FAT1: variants seen among roughly 807,000 people sequenced by gnomAD.
The protein encoded by FAT1 is protocadherin Fat 1.
FAT1 carries 171 observed loss-of-function variants against 329.8 expected under a neutral mutation model. The ratio of observed to expected loss-of-function variants is 0.52; its 90% CI spans 0.46 to 0.59. The LOEUF (loss-of-function observed/expected upper bound fraction) is 0.59, where lower values mean the gene tolerates loss of function less well. Among genes scored for constraint, FAT1 ranks in the 20% least tolerant of loss-of-function variants. The probability of loss-of-function intolerance (pLI) is 0.00; values close to 1 mark genes in which losing one functional copy is unlikely to be tolerated. For synonymous variants in FAT1, 2,233 were observed against 2,228.6 expected (o/e 1.00, Z -0.06); for missense variants, 5,672 against 5,774.4 (o/e 0.98, Z 0.57).
At chr4:186,690,646 C>A (rs1452847212) in intron 2 of FAT1, among the ~76,000 whole-genome samples, 1 of 151,852 alleles carries the variant, frequency 6.6e-6, no homozygotes, top group Non-Finnish European at 1.5e-5. Context: ...GCAGAGATCA[C>A]GCTACTGCAC....
intron 3 of FAT1, among the ~76,000 whole-genome samples, chr4:186,652,782 C>A (rs1310091176): frequency 6.6e-6 from 1 of 152,018 alleles, no homozygotes; most frequent in African/African-American, 2.4e-5. Context: ...TCGTTCCAGC[C>A]ACAATAAAAT....
rs2126527306 is a variant in FAT1, at chr4:186,621,652, G to A, written c.4934C>T (p.Pro1645Leu). The stretch of plus-strand genomic sequence containing the variant: ...CACAGAAGTTATTTCACTCATTGGT[G>A]GACTGCCCTTATCTGTAGCTTTTAC... Reference protein sequence around the residue: ...LMVKATDKGSPPMSEITSVRI... With the variant: ...LMVKATDKGSLPMSEITSVRI... The change falls in exon 10 of 27, where the codon CCA becomes CTA. Residue 1645 changes from proline to leucine, a missense_variant. Transcript: ENST00000441802. The A allele has an allele frequency of 6.2e-7, 1 of 1,613,966 alleles. No individual in the cohort carries two copies. The highest frequency in any genetic ancestry group is 1.3e-5 in the African/African-American group (1 of 75,040).
chr4:186,590,320 C>A, intron 26 of FAT1: 1 of 1,225,990 alleles, frequency 8.2e-7, no homozygotes, highest in South Asian at 1.3e-5. Flanking sequence ...AAGGCTTGAC[C>A]CATTGTTTTT....
intron 2 of FAT1, among the ~76,000 whole-genome samples, chr4:186,669,539 C>G (rs1742638548): frequency 6.6e-6 from 1 of 152,108 alleles, no homozygotes; most frequent in Admixed American, 6.5e-5. Context: ...TGTTAATAAC[C>G]TGAAAAATCC....
At chr4:186,725,828 C>G (rs1318514080), upstream of FAT1, among the ~76,000 whole-genome samples, 1 of 152,198 alleles carries the variant, frequency 6.6e-6, no homozygotes, top group Non-Finnish European at 1.5e-5. This position sits in a 1 kb window ranked among gnomAD's most constrained non-coding sequence, Gnocchi z 5.4. Context: ...AAACGCTTTC[C>G]TCCAGCACGG....
Position 186,620,350 on chromosome 4 carries a change from G to A in FAT1, c.6236C>T (p.Pro2079Leu), listed in dbSNP as rs1272319296. 7 of 1,613,820 alleles carry A rather than the reference G, an allele frequency of 4.3e-6. No homozygotes were observed. The highest frequency in any genetic ancestry group is 5.9e-6 in the Non-Finnish European group (7 of 1,179,888). ...VIVEDQNDNA[P>L]VFVNLPYYAV... ...GTAGTAGGGAAGGTTGACAAACACC[G>A]GCGCATTATCATTTTGGTCTTCTAC... is the stretch of plus-strand genomic sequence containing the variant. Residue 2079 changes from proline to leucine, a missense_variant, in exon 10 of 27, where the codon CCG becomes CTG. Pro to Leu is a moderately conservative substitution (Grantham distance 98). Coordinates refer to ENST00000441802, the MANE Select transcript of FAT1 (RefSeq NM_005245.4).
At position 186,613,139 on chromosome 4, in the gene FAT1, T is replaced by C. The variant is rs1344555860; in HGVS notation, c.9433A>G (p.Thr3145Ala). 1 of 1,612,666 alleles carries C rather than the reference T, an allele frequency of 6.2e-7. No homozygotes were observed. Among genetic ancestry groups the C allele is most frequent in the Non-Finnish European group, 8.5e-7 (1 of 1,179,822 alleles). ...FENTEPGTLL[T>A]RVQATDADAG... Reference sequence around the variant, plus strand: ...TCGGCATCTGTGGCCTGCACTCTTGTCAGCAGCGTTCCCGGCTCTGTGTTT... The same window carrying C: ...TCGGCATCTGTGGCCTGCACTCTTGCCAGCAGCGTTCCCGGCTCTGTGTTT... The change falls in exon 13 of 27, where the codon ACA (threonine) becomes GCA (alanine). Residue 3145 changes from threonine to alanine, a missense_variant. By Grantham distance (58) the Thr-to-Ala change is moderately conservative. This residue lies in a region of FAT1 where 3,966 missense variants were observed against 3,915.2 expected (regional missense o/e 1.01). Coordinates refer to ENST00000441802, the MANE Select transcript of FAT1 (RefSeq NM_005245.4).
chr4:186,724,118 G>A (rs1428053960), upstream of FAT1, among the ~76,000 whole-genome samples: 1 of 140,362 alleles, frequency 7.1e-6, no homozygotes. The surrounding 1 kb of genome is among the most constrained non-coding windows in gnomAD (Gnocchi z 5.3). Context: ...GTTACGGCCA[G>A]CCACAGGCGC....
chr4:186,724,475 CCGCTGACA>C (rs1294304846), upstream of FAT1, among the ~76,000 whole-genome samples: 2 of 152,194 alleles, frequency 1.3e-5, no homozygotes, highest in African/African-American at 4.8e-5. The surrounding 1 kb of genome is among the most constrained non-coding windows in gnomAD (Gnocchi z 5.3). Flanking sequence ...CTGGCCTCCC[CCGCTGACA>C]CCCCGGACGC....
chr4:186,641,537 C>T (rs963685886), intron 3 of FAT1, among the ~76,000 whole-genome samples: 1 of 152,130 alleles, frequency 6.6e-6, no homozygotes, highest in Non-Finnish European at 1.5e-5. Context: ...GGTAACATCA[C>T]GTGGAATAGC....
intron 3 of FAT1, among the ~76,000 whole-genome samples, chr4:186,646,064 A>T (rs1322635146): frequency 6.6e-6 from 1 of 151,712 alleles, no homozygotes; most frequent in Non-Finnish European, 1.5e-5. Flanking sequence ...TTCAGGTCCA[A>T]CTGCAACAAG....
intron 22 of FAT1, chr4:186,598,415 A>G (rs935415709): frequency 2.2e-5 from 6 of 277,312 alleles, no homozygotes; most frequent in African/African-American, 4.4e-5. Context: ...CTGAGTGACC[A>G]TGTACGTAGA....
rs1267548923 is a variant in FAT1, at chr4:186,587,813, T to G, written c.*779A>C. 8.5e-5 allele frequency: 17 copies of G among 200,250 alleles called. No individual in the cohort carries two copies. The allele number at this position is 200,250 out of a possible 1,614,324, so 12.4% of individuals were successfully genotyped here. A position where few individuals can be genotyped will look rare whatever the true frequency, so the allele number is the denominator to read the frequency against. ...CTCAAGTATTTTATTAATAATTTAT[T>G]GTCAGTAAGAAAGACTGGCTAATGG... On this transcript the variant is annotated 3_prime_UTR_variant, in exon 27 of 27. Transcript: ENST00000441802.
intron 26 of FAT1, among the ~76,000 whole-genome samples, chr4:186,595,292 AG>A (rs916976099): frequency 1.4e-5 from 2 of 142,020 alleles, no homozygotes; most frequent in African/African-American, 2.9e-5. Flanking sequence ...CTCTTCTTAG[AG>A]GGGGTGTGTG....
chr4:186,603,894 C>A lies in FAT1; in HGVS notation c.10632G>T (p.Ala3544=), dbSNP rs112325579. The change falls in exon 19 of 27, where the codon GCG becomes GCT. Residue 3544 remains alanine (A), a synonymous_variant. Coordinates refer to ENST00000441802, the MANE Select transcript of FAT1 (RefSeq NM_005245.4). Reference sequence around the variant, plus strand: ...TGATGAAAATCTCCAGGGGCAAAATCGCAGGCGGATAGATGCTCTCCTCAA... The same window carrying A: ...TGATGAAAATCTCCAGGGGCAAAATAGCAGGCGGATAGATGCTCTCCTCAA... ...RVIEESIYPP[A]ILPLEIFITS... 1 of 1,613,864 alleles carries A rather than the reference C, an allele frequency of 6.2e-7. No homozygotes were observed. The highest frequency in any genetic ancestry group is 2.2e-5 in the East Asian group (1 of 44,886).
chr4:186,602,395 A>G (rs1738855272), intron 20 of FAT1, among the ~76,000 whole-genome samples: 1 of 152,252 alleles, frequency 6.6e-6, no homozygotes, highest in Non-Finnish European at 1.5e-5. Context: ...AGATACATGT[A>G]TAAAGATTTC....
Position 186,621,690 on chromosome 4 carries a change from C to T in FAT1, c.4896G>A (p.Glu1632=), listed in dbSNP as rs563070417. 3.1e-6 allele frequency: 5 copies of T among 1,613,868 alleles called. No homozygotes were observed. The East Asian group carries it at 8.9e-5, about 29-fold the overall frequency. ...CTGTAGCTTTTACCATTAAATCATA[C>T]TCCGCTTGGTTACTTCGATCTAATT... ...AKELDRSNQA[E]YDLMVKATDK... The change falls in exon 10 of 27, where the codon GAG becomes GAA. Residue 1632 remains glutamate, a synonymous_variant. Transcript: ENST00000441802.
chr4:186,597,700 G>C lies in FAT1; in HGVS notation c.12350C>G (p.Ser4117Trp), dbSNP rs1263240063. The C allele has an allele frequency of 6.2e-7, 1 of 1,613,578 alleles. No individual in the cohort carries two copies. Among genetic ancestry groups the C allele is most frequent in the East Asian group, 2.2e-5 (1 of 44,844 alleles). The change falls in exon 24 of 27, where the codon TCG (serine) becomes TGG (tryptophan). Residue 4117 changes from serine to tryptophan, a missense_variant. By Grantham distance (177) the Ser-to-Trp change is radical. Transcript: ENST00000441802. ...SLDGAVCQCD[S>W]GFRGERCQSD... The stretch of plus-strand genomic sequence containing the variant: ...CATTTACCTTTCTCCCCTAAAACCC[G>C]AATCACACTGACAAACGGCGCCATC...
At chr4:186,679,063 T>C (rs1236031308) in intron 2 of FAT1, among the ~76,000 whole-genome samples, 1 of 151,978 alleles carries the variant, frequency 6.6e-6, no homozygotes, top group Non-Finnish European at 1.5e-5. Context: ...ATTGGAACAG[T>C]AAAAGTACCT....
Sources: gnomAD v4.1 joint callset for allele counts (sites outside exome capture counted in the v4.1 genomes callset) on GRCh38, gnomAD v4.1.1 for gene constraint, gnomAD v4.1.1 regional missense constraint, Gnocchi (gnomAD v3.1) non-coding constraint, MANE v1.5 for transcripts, NCBI Gene and HGNC (gene_info 2026-07-23, HGNC 2026-07-21) for gene names.